Variants in VPS33A observed in about 807,000 individuals in gnomAD.
VPS33A encodes the protein VPS33A core subunit of CORVET and HOPS complexes, also known as vacuolar protein sorting-associated protein 33A.
In VPS33A, 32 loss-of-function variants were observed where a neutral mutation model predicts 71.8. The observed-to-expected ratio is 0.45, with a 90% CI of 0.34 to 0.60. The LOEUF is 0.60. Ranked by LOEUF, VPS33A falls within the 20% of genes least tolerant of loss-of-function variation. The pLI is 0.02. For missense variants in VPS33A, 625 were observed against 748.5 expected, an observed-to-expected ratio of 0.84 and a Z score of 1.92; for synonymous variants, 311 against 292.7, an observed-to-expected ratio of 1.06 and a Z score of -0.64.
chr12:122,266,485 G>T lies in VPS33A; in HGVS notation c.-77C>A. The T allele has an allele frequency of 6.5e-7, 1 of 1,549,092 alleles. No homozygotes were observed. The highest frequency in any genetic ancestry group is 8.8e-7 in the Non-Finnish European group (1 of 1,141,524). ...ACGGGAGGACCACGGACGCAGTCAC[G>T]TGACCAAACGTCCACGTGACCGGTA... On this transcript the variant is annotated 5_prime_UTR_variant, in exon 1 of 13. Coordinates refer to ENST00000267199, the MANE Select transcript of VPS33A (RefSeq NM_022916.6).
At chr12:122,259,786 T>C (rs1954968390) in intron 4 of VPS33A, among the ~76,000 whole-genome samples, 1 of 151,952 alleles carries the variant, frequency 6.6e-6, no homozygotes. Flanking sequence ...TTATAGAATT[T>C]CATTTCTAAA....
intron 3 of VPS33A, among the ~76,000 whole-genome samples, chr12:122,261,784 C>T (rs1360359464): frequency 6.6e-6 from 1 of 152,016 alleles, no homozygotes; most frequent in African/African-American, 2.4e-5. Context: ...GAGCGGATCA[C>T]GAGAACAGGA....
At chr12:122,257,758 A>C (rs974509361) in intron 4 of VPS33A, among the ~76,000 whole-genome samples, 1 of 152,114 alleles carries the variant, frequency 6.6e-6, no homozygotes, top group Admixed American at 6.5e-5. Flanking sequence ...CAAAAGTGAT[A>C]TATTTACCTG....
rs1954840172 is a variant in VPS33A, at chr12:122,251,245, A to G, written c.484-146T>C. 8 of 623,242 alleles carry G rather than the reference A, an allele frequency of 1.3e-5. No homozygotes were observed. The South Asian group carries it at 1.6e-4, about 12-fold the overall frequency. The allele number at this position is 623,242 out of a possible 1,614,324, so 38.6% of individuals were successfully genotyped here. On this transcript the variant is annotated intron_variant, in intron 4 of 12. Coordinates refer to ENST00000267199, the MANE Select transcript of VPS33A (RefSeq NM_022916.6). ...CCAGGAAAATTGGGGACTCAAGTTC[A>G]TTTTCCAAAACTGCTGCCTGTCAGA... is the stretch of plus-strand genomic sequence containing the variant.
chr12:122,241,581 A>G, intron 8 of VPS33A, among the ~76,000 whole-genome samples: 1 of 148,360 alleles, frequency 6.7e-6, no homozygotes, highest in East Asian at 2.0e-4. Context: ...GTGGGATTAC[A>G]GACATGAGCC....
At chr12:122,258,086 CAT>C (rs995484322) in intron 4 of VPS33A, among the ~76,000 whole-genome samples, 1 of 152,036 alleles carries the variant, frequency 6.6e-6, no homozygotes, top group African/African-American at 2.4e-5. Flanking sequence ...AAGACCTAAA[CAT>C]AAGATGTAGA....
rs543698642 is a variant in VPS33A at position 122,230,549 on chromosome 12, C to T, written c.*1697G>A. ...TGAGCTGACATCGCACCACTGCACT[C>T]CAGTCTGAAAAGAGCGTGAGACTCT... On this transcript the variant is annotated 3_prime_UTR_variant, in exon 13 of 13. Transcript: ENST00000267199. 6.6e-6 allele frequency: 1 copy of T among 152,192 alleles called. No homozygotes were observed. Among genetic ancestry groups the T allele is most frequent in the South Asian group, 2.1e-4 (1 of 4,830 alleles). The allele number at this position is 152,192 out of a possible 1,614,324, so 9.4% of individuals were successfully genotyped here.
chr12:122,264,198 G>A lies in VPS33A; in HGVS notation c.104C>T (p.Ala35Val), dbSNP rs780071877. 1.3e-6 allele frequency: 2 copies of A among 1,535,126 alleles called. No individual in the cohort carries two copies. Among genetic ancestry groups the A allele is most frequent in the Non-Finnish European group, 1.8e-6 (2 of 1,127,126 alleles). Residue 35 changes from alanine (A) to valine (V), a missense_variant and splice_region_variant, in exon 2 of 13, where the codon GCA becomes GTA. Ala to Val is a moderately conservative substitution (Grantham distance 64). Transcript: ENST00000267199. ...AGTTAGGTATTCATCCCAAACTATT[G>A]CCTGTAAGAGGGGAGAAACATTCTC... is the stretch of plus-strand genomic sequence containing the variant. The part of the protein sequence containing the change: ...EFLDKCAGSK[A>V]IVWDEYLTGP...
intron 6 of VPS33A, among the ~76,000 whole-genome samples, chr12:122,247,782 A>G (rs1954794594): frequency 6.6e-6 from 1 of 151,696 alleles, no homozygotes; most frequent in Admixed American, 6.6e-5. Flanking sequence ...ATAAGTGGTG[A>G]CTCCCCATCC....
At chr12:122,249,619 T>A (rs180816025) in intron 6 of VPS33A, 1 of 314,632 alleles carries the variant, frequency 3.2e-6, no homozygotes, top group East Asian at 5.2e-5. Context: ...CAAACCTCAC[T>A]GATCCTCTTT....
chr12:122,265,162 GC>G (rs1324382722), intron 1 of VPS33A, among the ~76,000 whole-genome samples: 1 of 151,976 alleles, frequency 6.6e-6, no homozygotes, highest in Non-Finnish European at 1.5e-5. Flanking sequence ...CAAGCGAGCT[GC>G]CTGCCGTGGC....
At chr12:122,260,613 T>A (rs978096574) in intron 4 of VPS33A, among the ~76,000 whole-genome samples, 1 of 152,212 alleles carries the variant, frequency 6.6e-6, no homozygotes, top group Non-Finnish European at 1.5e-5. Context: ...TTGTGAGTTA[T>A]AATAAATAAA....
chr12:122,263,738 G>A (rs1451160201), intron 2 of VPS33A, 39 bp from the exon 3 acceptor site: 2 of 1,536,726 alleles, frequency 1.3e-6, no homozygotes, highest in South Asian at 2.5e-5. Context: ...CAAGAAGACT[G>A]AAATTTACCT....
At chr12:122,252,125 G>C (rs1435320517) in intron 4 of VPS33A, among the ~76,000 whole-genome samples, 1 of 146,974 alleles carries the variant, frequency 6.8e-6, no homozygotes, top group Non-Finnish European at 1.5e-5. Context: ...AGGGATAGTA[G>C]CATGCATCTG....
chr12:122,263,100 A>G (rs1336196584), intron 3 of VPS33A, among the ~76,000 whole-genome samples: 3 of 149,684 alleles, frequency 2.0e-5, no homozygotes, highest in Non-Finnish European at 3.0e-5. Context: ...TCAACAGACT[A>G]TCATGCCTCA....
At chr12:122,238,750 C>T (rs900932030) in intron 9 of VPS33A, 26 bp from the exon 10 acceptor site, 3 of 1,544,764 alleles carry the variant, frequency 1.9e-6, no homozygotes, top group Non-Finnish European at 2.7e-6. Flanking sequence ...CATACATATA[C>T]ATATACATTT....
chr12:122,244,525 C>T, intron 7 of VPS33A, 44 bp downstream of exon 7: 1 of 1,529,486 alleles, frequency 6.5e-7, no homozygotes, highest in Non-Finnish European at 8.9e-7. Flanking sequence ...TGGGCATCTA[C>T]CTGAGGCCTA....
Position 122,239,848 on chromosome 12 carries a change from C to T in VPS33A, c.1164+30G>A, listed in dbSNP as rs371223268. The T allele has an allele frequency of 1.1e-5, 16 of 1,475,648 alleles. No homozygotes were observed. In the African/African-American group the frequency reaches 2.0e-4, roughly 19 times the overall value. The allele number at this position is 1,475,648 out of a possible 1,614,324, so 91.4% of individuals were successfully genotyped here. ...CTGAGGTTTAATAAGCTTTCAATTA[C>T]TTGTTAAAGAGGTTTTTTTGTCCAC... On this transcript the variant is annotated intron_variant, in intron 9 of 12. Transcript: ENST00000267199.
At chr12:122,243,670 T>C (rs1954742282) in intron 7 of VPS33A, among the ~76,000 whole-genome samples, 2 of 152,186 alleles carry the variant, frequency 1.3e-5, no homozygotes, top group East Asian at 3.8e-4. Context: ...ATGAACATAA[T>C]TCCTGAGAAA....
Sources: gnomAD v4.1 joint callset for allele counts (sites outside exome capture counted in the v4.1 genomes callset) on GRCh38, gnomAD v4.1.1 for gene constraint, MANE v1.5 for transcripts, NCBI Gene and HGNC (gene_info 2026-07-23, HGNC 2026-07-21) for gene names.